Variants in PLEKHM3 observed in about 807,000 individuals in gnomAD.
The protein encoded by PLEKHM3 is pleckstrin homology domain-containing family M member 3.
In PLEKHM3, 45 loss-of-function variants were observed where a neutral mutation model predicts 81.8. That is an observed-to-expected ratio of 0.55 (90% CI 0.43 to 0.71). PLEKHM3 has a LOEUF of 0.71. Among genes scored for constraint, PLEKHM3 ranks in the 30% least tolerant of loss-of-function variants. PLEKHM3 has a pLI of 0.00. For missense variants in PLEKHM3, 788 were observed against 924.3 expected, an observed-to-expected ratio of 0.85 and a Z score of 1.91; for synonymous variants, 352 against 356.4, an observed-to-expected ratio of 0.99 and a Z score of 0.14.
chr2:207,965,264 T>C (rs1431556015), intron 3 of PLEKHM3, among the ~76,000 whole-genome samples: 2 of 152,144 alleles, frequency 1.3e-5, no homozygotes, highest in Non-Finnish European at 2.9e-5. Context: ...ATTAACACTC[T>C]CTTTAGAAGT....
intron 4 of PLEKHM3, among the ~76,000 whole-genome samples, chr2:207,935,834 A>G (rs1365135827): frequency 6.6e-6 from 1 of 152,206 alleles, no homozygotes; most frequent in Non-Finnish European, 1.5e-5. Context: ...ATCTTACAGC[A>G]AGTAGGCTAC....
chr2:207,865,801 A>AAAAAAAAAAATAT lies in PLEKHM3; in HGVS notation c.1951-4540_1951-4539insATATTTTTTTTTT. Among the ~76,000 whole-genome samples the AAAAAAAAAAATAT allele has an allele frequency of 4.7e-4, 12 of 25,290 alleles. 3 individuals carry two copies. Among genetic ancestry groups the AAAAAAAAAAATAT allele is most frequent in the African/African-American group, 1.7e-3 (8 of 4,794 alleles). 16.6% of individuals were successfully genotyped at this position (25,290 alleles called of 152,430 possible). A position where few individuals can be genotyped will look rare whatever the true frequency, so the allele number is the denominator to read the frequency against. ...CGACTCAAAAAAAAAAAAAAAAAAA[A>AAAAAAAAAAATAT]AGATATATATATATATATATATATA... is the stretch of plus-strand genomic sequence containing the variant. On this transcript the variant is annotated intron_variant, in intron 6 of 7. Transcript: ENST00000427836.
Position 207,877,277 on chromosome 2 carries a change from T to C in PLEKHM3, c.1951-16015A>G, listed in dbSNP as rs528767568. Among the ~76,000 whole-genome samples, 12 of 152,346 alleles carry C rather than the reference T, an allele frequency of 7.9e-5. No individual in the cohort carries two copies. The South Asian group carries it at 1.2e-3, about 16-fold the overall frequency. ...TCCTGAGGGTTGAGGGCAGACAGTCTGTGATCTGGCTCAGCCCCTAATGTC... is the reference window on the plus strand; with the variant it reads ...TCCTGAGGGTTGAGGGCAGACAGTCCGTGATCTGGCTCAGCCCCTAATGTC... On this transcript the variant is annotated intron_variant, in intron 6 of 7. Coordinates refer to ENST00000427836, the MANE Select transcript of PLEKHM3 (RefSeq NM_001080475.3).
intron 3 of PLEKHM3, among the ~76,000 whole-genome samples, chr2:207,969,132 A>G (rs918984341): frequency 9.9e-5 from 15 of 152,088 alleles, no homozygotes; most frequent in South Asian, 2.1e-4. Flanking sequence ...GGACCCCCCA[A>G]TTTTTCACAT....
intron 2 of PLEKHM3, among the ~76,000 whole-genome samples, chr2:207,984,524 G>T (rs905477391): frequency 6.6e-6 from 1 of 152,098 alleles, no homozygotes; most frequent in East Asian, 1.9e-4. Context: ...GGGATTACAG[G>T]CGTGTGCCAC....
chr2:207,964,165 T>TTG (rs1299849720), intron 3 of PLEKHM3, among the ~76,000 whole-genome samples: 3 of 151,248 alleles, frequency 2.0e-5, no homozygotes, highest in East Asian at 1.9e-4. Context: ...TGAGCTGAGA[T>TTG]CACGCCACTG....
chr2:207,999,800 T>C (rs898334795), intron 2 of PLEKHM3, among the ~76,000 whole-genome samples: 25 of 152,212 alleles, frequency 1.6e-4, no homozygotes, highest in African/African-American at 5.8e-4. Context: ...AACAGACATA[T>C]TAAACTATAT....
intron 4 of PLEKHM3, among the ~76,000 whole-genome samples, chr2:207,933,878 G>A (rs1053431230): frequency 9.2e-5 from 14 of 152,148 alleles, no homozygotes; most frequent in Admixed American, 6.5e-5. Context: ...TCCCCACCAC[G>A]TTCAGCCATT....
chr2:207,917,497 A>G (rs1193839607), intron 5 of PLEKHM3, among the ~76,000 whole-genome samples: 1 of 152,190 alleles, frequency 6.6e-6, no homozygotes, highest in African/African-American at 2.4e-5. Flanking sequence ...TATTCCTCAT[A>G]TGCAGTTCAG....
intron 7 of PLEKHM3, among the ~76,000 whole-genome samples, chr2:207,830,680 G>GTGTCGT (rs1559198470): frequency 4.9e-5 from 7 of 143,954 alleles, no homozygotes; most frequent in African/African-American, 1.8e-4. Context: ...GTCCTTAGAA[G>GTGTCGT]AAGGACACTT....
At chr2:208,020,687 C>A (rs185621105) in intron 1 of PLEKHM3, among the ~76,000 whole-genome samples, 2 of 152,236 alleles carry the variant, frequency 1.3e-5, no homozygotes, top group African/African-American at 4.8e-5. Context: ...GCCAAATGTA[C>A]TCTGAAAGGA....
chr2:207,962,486 T>C (rs1420996110), intron 3 of PLEKHM3, among the ~76,000 whole-genome samples: 2 of 152,194 alleles, frequency 1.3e-5, no homozygotes, highest in Non-Finnish European at 2.9e-5. Context: ...AAAACTGCAA[T>C]TGTATGTATA....
intron 3 of PLEKHM3, among the ~76,000 whole-genome samples, chr2:207,947,854 CATGA>C (rs1307005454): frequency 2.0e-5 from 3 of 152,184 alleles, no homozygotes; most frequent in Non-Finnish European, 4.4e-5. Context: ...ACATGAACTC[CATGA>C]ATGAAAGTAT....
At position 207,872,430 on chromosome 2, in the gene PLEKHM3, C is replaced by T. The variant is rs1481801598; in HGVS notation, c.1951-11168G>A. On this transcript the variant is annotated intron_variant, in intron 6 of 7. Coordinates refer to ENST00000427836, the MANE Select transcript of PLEKHM3 (RefSeq NM_001080475.3). ...ATTCTTTTAATGGTCACATCTCATG[C>T]AATTTTCTGAATATGAAGATGATCT... Among the ~76,000 whole-genome samples, 3 of 152,280 alleles carry T rather than the reference C, an allele frequency of 2.0e-5. No individual in the cohort carries two copies. The East Asian group carries it at 5.8e-4, about 29-fold the overall frequency.
chr2:207,982,840 A>G (rs900005437), intron 2 of PLEKHM3, among the ~76,000 whole-genome samples: 3 of 151,812 alleles, frequency 2.0e-5, no homozygotes, highest in African/African-American at 7.3e-5. Flanking sequence ...GGCCTCCCAA[A>G]GTGCTGGGAT....
intron 2 of PLEKHM3, among the ~76,000 whole-genome samples, chr2:207,990,633 C>T (rs974154852): frequency 6.6e-6 from 1 of 152,156 alleles, no homozygotes; most frequent in African/African-American, 2.4e-5. Context: ...ATGTCCATAG[C>T]AAAGAACATG....
intron 6 of PLEKHM3, among the ~76,000 whole-genome samples, chr2:207,893,270 T>C (rs2105875110): frequency 6.6e-6 from 1 of 152,358 alleles, no homozygotes; most frequent in South Asian, 2.1e-4. Context: ...TGTTTGACAC[T>C]GCGTGCCAGC....
At chr2:207,896,298 T>TA (rs1344251631) in intron 6 of PLEKHM3, among the ~76,000 whole-genome samples, 1 of 152,194 alleles carries the variant, frequency 6.6e-6, no homozygotes, top group Non-Finnish European at 1.5e-5. Context: ...TGGGAACTGA[T>TA]ATAGTTGCAA....
chr2:208,004,469 A>T (rs999491117), intron 1 of PLEKHM3, among the ~76,000 whole-genome samples: 1 of 152,132 alleles, frequency 6.6e-6, no homozygotes, highest in East Asian at 1.9e-4. Flanking sequence ...GGTTGGTGGA[A>T]TACTTCTAAC....
Sources: allele counts gnomAD v4.1 joint callset (sites outside exome capture counted in the v4.1 genomes callset), GRCh38; gene constraint gnomAD v4.1.1; transcripts MANE v1.5; gene names NCBI Gene and HGNC (gene_info 2026-07-23, HGNC 2026-07-21).